The following NEK5 variants were observed in gnomAD, a reference collection of about 807,000 sequenced individuals.
The protein encoded by NEK5 is serine/threonine-protein kinase Nek5.
In NEK5, 88 loss-of-function variants were observed where a neutral mutation model predicts 109.2. The ratio of observed to expected loss-of-function variants is 0.81; its 90% CI spans 0.68 to 0.96. The LOEUF (loss-of-function observed/expected upper bound fraction) is 0.96. Among genes scored for constraint, NEK5 ranks in the 40% least tolerant of loss-of-function variants. The pLI, the probability that NEK5 is intolerant of heterozygous loss-of-function variation, is 0.00. For synonymous variants in NEK5, 283 were observed against 299.9 expected (o/e 0.94, Z 0.58); for missense variants, 834 against 920.7 (o/e 0.91, Z 1.22).
intron 23 of NEK5, among the ~76,000 whole-genome samples, chr13:52,045,452 G>C (rs1660421768): frequency 6.6e-6 from 1 of 150,898 alleles, no homozygotes; most frequent in South Asian, 2.1e-4. Flanking sequence ...TGGAATAAGT[G>C]AGGAGTTATT....
rs35465612 is a variant in NEK5, at chr13:52,086,336, G to T, written c.1420C>A (p.Arg474Ser). 3.1e-6 allele frequency: 5 copies of T among 1,612,022 alleles called. No individual in the cohort carries two copies. The East Asian group carries it at 1.1e-4, about 36-fold the overall frequency. ...TTCATGTCATTGTGGTACTGTTGGC[G>T]TATTTCCTCTAACTGCTTCCAATAT... ...QEYWKQLEEI[R>S]QQYHNDMKEI... Residue 474 changes from arginine (R) to serine (S), a missense_variant, in exon 16 of 24, where the codon CGC (arginine) becomes AGC (serine). Physicochemically the swap from Arg to Ser is moderately radical, Grantham distance 110. Coordinates refer to ENST00000684899, the MANE Select transcript of NEK5 (RefSeq NM_001365552.1).
intron 17 of NEK5, among the ~76,000 whole-genome samples, chr13:52,080,896 A>C (rs1954998510): frequency 1.3e-5 from 2 of 152,170 alleles, no homozygotes; most frequent in Admixed American, 1.3e-4. Context: ...AATTAAAAAA[A>C]AAAAAAAAAA....
In NEK5 at chr13:52,061,077, A is replaced by C. The variant is rs187857156; in HGVS notation, c.2110+742T>G. On this transcript the variant is annotated intron_variant, in intron 22 of 23. Transcript: ENST00000684899. ...GCTTCCCTTAAAGCAGTGGTCCCCA[A>C]CCTTTCTGGCACCAGGGACCAGTTT... Among the ~76,000 whole-genome samples, 4 of 152,258 alleles carry C rather than the reference A, an allele frequency of 2.6e-5. No homozygotes were observed. In the East Asian group the frequency reaches 7.7e-4, roughly 29 times the overall value.
At chr13:52,060,500 G>A (rs959954148) in intron 22 of NEK5, among the ~76,000 whole-genome samples, 12 of 152,136 alleles carry the variant, frequency 7.9e-5, no homozygotes, top group Middle Eastern at 6.8e-3. Flanking sequence ...GATTACAGGC[G>A]CCTGCCACCA....
chr13:52,121,923 G>C (rs572365980), intron 3 of NEK5, among the ~76,000 whole-genome samples: 1 of 151,428 alleles, frequency 6.6e-6, no homozygotes, highest in East Asian at 1.9e-4. Flanking sequence ...AATTACAGGG[G>C]TGTTTTGCTA....
At chr13:52,041,260 A>G (rs1055786694) in intron 23 of NEK5, among the ~76,000 whole-genome samples, 1 of 152,210 alleles carries the variant, frequency 6.6e-6, no homozygotes, top group African/African-American at 2.4e-5. Context: ...TAAGTCTCCT[A>G]AAGTAAGTAT....
chr13:52,062,876 G>T (rs1342641014), intron 21 of NEK5, among the ~76,000 whole-genome samples: 2 of 152,016 alleles, frequency 1.3e-5, no homozygotes, highest in African/African-American at 4.8e-5. Flanking sequence ...ATTAACTCTC[G>T]AAATCTTGTA....
At chr13:52,082,098 C>T in intron 17 of NEK5, 1 of 180,664 alleles carries the variant, frequency 5.5e-6, no homozygotes, top group South Asian at 1.0e-4. Context: ...GGTGGATCAC[C>T]CGAGGTCAGG....
intron 17 of NEK5, among the ~76,000 whole-genome samples, chr13:52,080,569 A>T (rs1954985275): frequency 6.6e-6 from 1 of 152,174 alleles, no homozygotes. Context: ...CTGCCTTGTG[A>T]TCCTGTTGAT....
Position 52,037,154 on chromosome 13 carries a change from T to C in NEK5, c.2293A>G (p.Thr765Ala), listed in dbSNP as rs1954367340. 1.0e-6 allele frequency: 1 copy of C among 985,046 alleles called. No individual in the cohort carries two copies. The highest frequency in any genetic ancestry group is 1.2e-6 in the Non-Finnish European group (1 of 829,698). The allele number at this position is 985,046 out of a possible 1,614,324, so 61.0% of individuals were successfully genotyped here. A position where few individuals can be genotyped will look rare whatever the true frequency, so the allele number is the denominator to read the frequency against. Residue 765 changes from threonine (T) to alanine (A), a missense_variant, in exon 24 of 24, where the codon ACT (threonine) becomes GCT (alanine). Around this residue, in one of 2 missense-constraint regions of NEK5, gnomAD observed 57 missense variants for 96.0 expected, o/e 0.59. Coordinates refer to ENST00000684899, the MANE Select transcript of NEK5 (RefSeq NM_001365552.1). ...EVVEYLEKLA[T>A]FKGEEKTEEA... ...TCTGTTTTTTCTTCCCCTTTGAAAG[T>C]AGCGAGTTTTTCTAAGTATTCTACT...
At chr13:52,045,130 CTTTT>C (rs374051509) in intron 23 of NEK5, among the ~76,000 whole-genome samples, 2 of 108,698 alleles carry the variant, frequency 1.8e-5, no homozygotes, top group Admixed American at 1.1e-4. Flanking sequence ...AATAAAAAAT[CTTTT>C]TTTTTTTTTT....
intron 8 of NEK5, 96 bp downstream of exon 8, chr13:52,108,222 A>C (rs1271767938): frequency 1.3e-6 from 1 of 742,760 alleles, no homozygotes; most frequent in East Asian, 2.6e-5. Flanking sequence ...ACCATAAGAA[A>C]GAAAGAAGAG....
intron 16 of NEK5, 115 bp downstream of exon 16, chr13:52,086,162 A>C (rs1412522579): frequency 1.3e-6 from 1 of 745,710 alleles, no homozygotes; most frequent in African/African-American, 1.8e-5. Context: ...CTACATGATT[A>C]TCTCTATGAT....
At chr13:52,042,379 C>T (rs1469729941) in intron 23 of NEK5, among the ~76,000 whole-genome samples, 1 of 149,356 alleles carries the variant, frequency 6.7e-6, no homozygotes, top group East Asian at 1.9e-4. Context: ...TATATTAATA[C>T]ATATAATAAT....
intron 19 of NEK5, among the ~76,000 whole-genome samples, chr13:52,073,828 A>G (rs1433857002): frequency 1.3e-5 from 2 of 152,150 alleles, no homozygotes; most frequent in Non-Finnish European, 2.9e-5. Flanking sequence ...CTATACACCA[A>G]TAACATTCAA....
chr13:52,108,482 G>GA lies in NEK5; in HGVS notation c.468-79dup, dbSNP rs1328209039. ...AAAGTCTTAAGACATGGACATGCAA[G>GA]AAAAAATGTGAAAATGGATAACACA... On this transcript the variant is annotated intron_variant, in intron 7 of 23. Coordinates refer to ENST00000684899, the MANE Select transcript of NEK5 (RefSeq NM_001365552.1). 78 of 813,244 alleles carry GA rather than the reference G, an allele frequency of 9.6e-5. No individual in the cohort carries two copies. In the Admixed American group the frequency reaches 1.7e-3, roughly 18 times the overall value. 50.4% of individuals were successfully genotyped at this position (813,244 alleles called of 1,614,324 possible).
chr13:52,034,846 G>A lies in NEK5; in HGVS notation c.*2102C>T, dbSNP rs1179906263. ...ACAGGCATGCGCCACCACACCTGGC[G>A]TGTTCATTTACCATCCTTAAACATT... On this transcript the variant is annotated 3_prime_UTR_variant, in exon 24 of 24. Coordinates refer to ENST00000684899, the MANE Select transcript of NEK5 (RefSeq NM_001365552.1). The A allele has an allele frequency of 2.1e-5, 3 of 145,204 alleles. No individual in the cohort carries two copies. Among genetic ancestry groups the A allele is most frequent in the South Asian group, 2.2e-4 (1 of 4,552 alleles). The allele number at this position is 145,204 out of a possible 1,614,324, so 9.0% of individuals were successfully genotyped here.
chr13:52,126,550 G>GGCAGATCACTTGAGCTC (rs1956066762), intron 3 of NEK5, among the ~76,000 whole-genome samples: 1 of 152,212 alleles, frequency 6.6e-6, no homozygotes, highest in African/African-American at 2.4e-5. Flanking sequence ...GGCCAAGGCG[G>GGCAGATCACTTGAGCTC]GCAGATCACT....
chr13:52,060,406 G>A (rs1954601849), intron 22 of NEK5, among the ~76,000 whole-genome samples: 1 of 152,098 alleles, frequency 6.6e-6, no homozygotes, highest in Non-Finnish European at 1.5e-5. Context: ...CCAGGCTGGA[G>A]TGCAATGGCG....
Sources: gnomAD v4.1 joint callset for allele counts (sites outside exome capture counted in the v4.1 genomes callset) on GRCh38, gnomAD v4.1.1 for gene constraint, gnomAD v4.1.1 regional missense constraint, MANE v1.5 for transcripts, NCBI Gene and HGNC (gene_info 2026-07-23, HGNC 2026-07-21) for gene names.